MNAT1: variants seen among roughly 807,000 people sequenced by gnomAD.
MNAT1 encodes the protein MNAT1 component of CDK activating kinase.
Under a neutral mutation model 42.0 loss-of-function variants are expected in MNAT1, and 43 were observed. That is an observed-to-expected ratio of 1.02 (90% CI 0.80 to 1.32). The LOEUF is 1.32. Ranked by LOEUF, MNAT1 falls within the 40% of genes most tolerant of loss-of-function variation. The pLI, the probability that MNAT1 is intolerant of heterozygous loss-of-function variation, is 0.00. For synonymous variants in MNAT1, 118 were observed against 120.0 expected, an observed-to-expected ratio of 0.98 and a Z score of 0.11; for missense variants, 306 against 350.4, an observed-to-expected ratio of 0.87 and a Z score of 1.01.
rs115278179 is a variant in MNAT1 at position 60,755,644 on chromosome 14, G to T, written c.89+20693G>T. On this transcript the variant is annotated intron_variant, in intron 1 of 7. Coordinates refer to ENST00000261245, the MANE Select transcript of MNAT1 (RefSeq NM_002431.4). The stretch of plus-strand genomic sequence containing the variant: ...AGATTACCCTTAATATTAAGGATCA[G>T]AAATTGTCCATATGGGTAAATAATT... Among the ~76,000 whole-genome samples, 1,169 of 152,298 alleles carry T rather than the reference G, an allele frequency of 7.7e-3. 22 individuals carry two copies. Among genetic ancestry groups the T allele is most frequent in the African/African-American group, 0.027 (1,106 of 41,576 alleles).
At chr14:60,924,985 A>G (rs1445907834) in intron 7 of MNAT1, among the ~76,000 whole-genome samples, 1 of 152,222 alleles carries the variant, frequency 6.6e-6, no homozygotes, top group East Asian at 1.9e-4. Context: ...AATATGTTAC[A>G]TTGTTAATTA....
At chr14:60,942,931 G>T (rs2036200811) in intron 7 of MNAT1, among the ~76,000 whole-genome samples, 1 of 148,910 alleles carries the variant, frequency 6.7e-6, no homozygotes. Flanking sequence ...TTTTTAATGG[G>T]CTGATAATCT....
chr14:60,905,013 T>G (rs1479800047), intron 7 of MNAT1, among the ~76,000 whole-genome samples: 1 of 118,580 alleles, frequency 8.4e-6, no homozygotes, highest in Non-Finnish European at 1.7e-5. Flanking sequence ...CTCGCTCTGT[T>G]GCCCAGGCTG....
intron 1 of MNAT1, among the ~76,000 whole-genome samples, chr14:60,752,620 G>A (rs2030146389): frequency 6.6e-6 from 1 of 152,110 alleles, no homozygotes; most frequent in African/African-American, 2.4e-5. Context: ...AGCTATGAGT[G>A]TGCCACTATA....
At chr14:60,820,912 T>C (rs2032871831) in intron 6 of MNAT1, among the ~76,000 whole-genome samples, 1 of 152,144 alleles carries the variant, frequency 6.6e-6, no homozygotes, top group South Asian at 2.1e-4. Context: ...GAAAGTGACA[T>C]TTGTACTAAG....
At chr14:60,878,638 A>C (rs956422315) in intron 6 of MNAT1, among the ~76,000 whole-genome samples, 1 of 152,160 alleles carries the variant, frequency 6.6e-6, no homozygotes, top group Non-Finnish European at 1.5e-5. Flanking sequence ...AATAAGCAAA[A>C]TGCCATGAGT....
intron 6 of MNAT1, among the ~76,000 whole-genome samples, chr14:60,856,936 C>T (rs910629423): frequency 1.3e-5 from 2 of 152,132 alleles, no homozygotes; most frequent in Non-Finnish European, 2.9e-5. Flanking sequence ...GCCTCGGCCT[C>T]CCAAAGTGCT....
chr14:60,786,468 T>G (rs2031654915), intron 1 of MNAT1, among the ~76,000 whole-genome samples: 1 of 152,162 alleles, frequency 6.6e-6, no homozygotes, highest in African/African-American at 2.4e-5. Flanking sequence ...TAGTAACTTT[T>G]ATAATTTTAA....
intron 7 of MNAT1, among the ~76,000 whole-genome samples, chr14:60,947,979 G>T (rs2036313427): frequency 6.6e-6 from 1 of 152,192 alleles, no homozygotes; most frequent in South Asian, 2.1e-4. Flanking sequence ...TAGAGCTGTA[G>T]CCCCATAGAG....
At chr14:60,818,897 T>G in intron 6 of MNAT1, 50 bp downstream of exon 6, 1 of 1,581,998 alleles carries the variant, frequency 6.3e-7, no homozygotes, top group Non-Finnish European at 8.6e-7. Context: ...TCAAGGATTA[T>G]GCTTTATAAT....
chr14:60,843,858 C>A (rs193287342), intron 6 of MNAT1, among the ~76,000 whole-genome samples: 85 of 152,224 alleles, frequency 5.6e-4, no homozygotes, highest in African/African-American at 1.5e-3. Context: ...ATCTAAGGAA[C>A]CTTTTCCTTC....
intron 6 of MNAT1, among the ~76,000 whole-genome samples, chr14:60,878,686 C>T (rs2034483624): frequency 1.3e-5 from 2 of 152,080 alleles, no homozygotes; most frequent in Non-Finnish European, 2.9e-5. Flanking sequence ...TTGCTATGAC[C>T]TTTACTTGTA....
Position 60,793,026 on chromosome 14 carries a change from T to C in MNAT1, c.90-3191T>C, listed in dbSNP as rs1023179246. Among the ~76,000 whole-genome samples, 5 of 151,294 alleles carry C rather than the reference T, an allele frequency of 3.3e-5. No individual in the cohort carries two copies. The South Asian group carries it at 6.2e-4, about 19-fold the overall frequency. ...ACTACTACTTCTTCTTCTTCTTCTT[T>C]TTTTTTTTTTGAAACAGGGTCTTGC... is the stretch of plus-strand genomic sequence containing the variant. On this transcript the variant is annotated intron_variant, in intron 1 of 7. Coordinates refer to ENST00000261245, the MANE Select transcript of MNAT1 (RefSeq NM_002431.4).
At chr14:60,914,480 G>A (rs1737916117) in intron 7 of MNAT1, among the ~76,000 whole-genome samples, 1 of 151,982 alleles carries the variant, frequency 6.6e-6, no homozygotes, top group Non-Finnish European at 1.5e-5. Context: ...AGCTTTGAAT[G>A]GTGTGTCTGG....
At chr14:60,951,425 C>CT (rs992667528) in intron 7 of MNAT1, among the ~76,000 whole-genome samples, 7 of 151,424 alleles carry the variant, frequency 4.6e-5, no homozygotes, top group African/African-American at 1.2e-4. Flanking sequence ...TCACATTTTC[C>CT]TTTTTTTGTC....
chr14:60,872,853 CACACACACACACACACAT>C (rs1383951701), intron 6 of MNAT1, among the ~76,000 whole-genome samples: 2 of 146,170 alleles, frequency 1.4e-5, no homozygotes, highest in Non-Finnish European at 3.0e-5. Flanking sequence ...CACACACACA[CACACACACACACACACAT>C]ATATATATGC....
chr14:60,822,955 C>A (rs1158642071), intron 6 of MNAT1, among the ~76,000 whole-genome samples: 1 of 152,070 alleles, frequency 6.6e-6, no homozygotes, highest in African/African-American at 2.4e-5. Flanking sequence ...TGGGGTTTCA[C>A]CATGTTGCCC....
At chr14:60,845,779 A>G (rs1227799916) in intron 6 of MNAT1, among the ~76,000 whole-genome samples, 1 of 152,142 alleles carries the variant, frequency 6.6e-6, no homozygotes, top group Non-Finnish European at 1.5e-5. Context: ...ATAATACAAA[A>G]TGTAGTCTTT....
At chr14:60,827,015 C>G (rs1034233205) in intron 6 of MNAT1, among the ~76,000 whole-genome samples, 7 of 152,076 alleles carry the variant, frequency 4.6e-5, no homozygotes, top group Admixed American at 2.6e-4. Flanking sequence ...GGCTGAGGAT[C>G]TGGTGCTTCT....
Sources: allele counts gnomAD v4.1 joint callset (sites outside exome capture counted in the v4.1 genomes callset), GRCh38; gene constraint gnomAD v4.1.1; transcripts MANE v1.5; gene names NCBI Gene and HGNC (gene_info 2026-07-23, HGNC 2026-07-21).